The following TMEM132E variants were observed in gnomAD, a reference collection of about 807,000 sequenced individuals.
TMEM132E encodes the protein transmembrane protein 132E.
TMEM132E carries 49 observed loss-of-function variants against 78.5 expected under a neutral mutation model. That is an observed-to-expected ratio of 0.62 (90% CI 0.50 to 0.79). The LOEUF (loss-of-function observed/expected upper bound fraction) is 0.79. Ranked by LOEUF, TMEM132E falls within the 30% of genes least tolerant of loss-of-function variation. The pLI is 0.00. For missense variants in TMEM132E, 1,403 were observed against 1,470.9 expected (o/e 0.95, Z 0.75); for synonymous variants, 715 against 670.6 (o/e 1.07, Z -1.02).
Position 34,637,605 on chromosome 17 carries a change from C to A in TMEM132E, c.2598C>A (p.Pro866=), listed in dbSNP as rs1300457132. Reference sequence around the variant, plus strand: ...GCACCGCCAGCCCCGTCGTGCCACCCACAGAAGACTTCCTGCCGCTGCCCA... The same window carrying A: ...GCACCGCCAGCCCCGTCGTGCCACCAACAGAAGACTTCCTGCCGCTGCCCA... ...GPGTASPVVP[P]TEDFLPLPTG... The change falls in exon 9 of 9, where the codon CCC becomes CCA. Residue 866 remains proline, a synonymous_variant. Coordinates refer to ENST00000631683, the MANE Select transcript of TMEM132E (RefSeq NM_001304438.2). 6.2e-6 allele frequency: 10 copies of A among 1,602,812 alleles called. No individual in the cohort carries two copies. The highest frequency in any genetic ancestry group is 7.6e-6 in the Non-Finnish European group (9 of 1,177,858).
At chr17:34,636,323 C>A in intron 8 of TMEM132E, 125 bp downstream of exon 8, 2 of 998,992 alleles carry the variant, frequency 2.0e-6, no homozygotes, top group Non-Finnish European at 2.7e-6. Flanking sequence ...GATCTCTGCC[C>A]TCCATGCCCT....
chr17:34,610,220 C>A (rs930941328), intron 1 of TMEM132E, among the ~76,000 whole-genome samples: 1 of 152,178 alleles, frequency 6.6e-6, no homozygotes, highest in Non-Finnish European at 1.5e-5. Flanking sequence ...CCCTGTTAGC[C>A]GGCAAATTCC....
chr17:34,583,565 G>C (rs1905568159), intron 1 of TMEM132E, among the ~76,000 whole-genome samples: 1 of 152,192 alleles, frequency 6.6e-6, no homozygotes, highest in Admixed American at 6.5e-5. Flanking sequence ...CCTTTAAACT[G>C]ACTCTTGGTT....
chr17:34,627,466 T>TCGTGTGTGCGTGCGCGCGCGCGCG (rs1301258773), intron 2 of TMEM132E, among the ~76,000 whole-genome samples: 1 of 24,986 alleles, frequency 4.0e-5, no homozygotes, highest in African/African-American at 1.3e-4. Flanking sequence ...GCCAAAAGAA[T>TCGTGTGTGCGTGCGCGCGCGCGCG]CGTGTGTGTG....
chr17:34,619,709 C>T (rs140965347), intron 1 of TMEM132E, among the ~76,000 whole-genome samples: 5 of 150,900 alleles, frequency 3.3e-5, no homozygotes, highest in South Asian at 4.2e-4. Context: ...GCTTCATAAA[C>T]GTGGATACCA....
chr17:34,627,481 T>TGCGCGCACGCGCGC (rs1567720046), intron 2 of TMEM132E, among the ~76,000 whole-genome samples: 3 of 145,464 alleles, frequency 2.1e-5, no homozygotes, highest in African/African-American at 8.4e-5. Context: ...TGTGTGTGTG[T>TGCGCGCACGCGCGC]GTGTGTGTGT....
chr17:34,620,060 C>A (rs2035517955), intron 1 of TMEM132E, among the ~76,000 whole-genome samples: 2 of 152,234 alleles, frequency 1.3e-5, no homozygotes, highest in Non-Finnish European at 2.9e-5. Context: ...AAGCAGGAGG[C>A]ATCAGATCTT....
chr17:34,623,166 C>T (rs1243172396), intron 1 of TMEM132E, among the ~76,000 whole-genome samples: 1 of 152,114 alleles, frequency 6.6e-6, no homozygotes, highest in Non-Finnish European at 1.5e-5. Flanking sequence ...GGTCCTCCCC[C>T]AGGGGGGGTG....
At chr17:34,630,294 T>C in intron 5 of TMEM132E, 143 bp downstream of exon 5, 1 of 815,872 alleles carries the variant, frequency 1.2e-6, no homozygotes, top group Non-Finnish European at 1.9e-6. Flanking sequence ...ACCCCTTCTG[T>C]TGCAGCAGCT....
At chr17:34,629,920 G>T (rs961940518) in intron 4 of TMEM132E, 88 bp from the exon 5 acceptor site, 44 of 1,420,536 alleles carry the variant, frequency 3.1e-5, no homozygotes, top group Non-Finnish European at 3.8e-5. Flanking sequence ...GGAGTGGGGG[G>T]GGAGCGTCCA....
intron 1 of TMEM132E, among the ~76,000 whole-genome samples, chr17:34,607,251 C>G (rs1162008614): frequency 6.6e-6 from 1 of 152,186 alleles, no homozygotes; most frequent in Non-Finnish European, 1.5e-5. Context: ...ACCGGGGATA[C>G]AGAGATAGGG....
chr17:34,635,292 C>A (rs940707168), intron 7 of TMEM132E, among the ~76,000 whole-genome samples: 14 of 152,266 alleles, frequency 9.2e-5, no homozygotes, highest in Admixed American at 9.2e-4. Flanking sequence ...CTTTATCAAT[C>A]CTCAGTGTGG....
chr17:34,606,621 C>G (rs775534407), intron 1 of TMEM132E, among the ~76,000 whole-genome samples: 1 of 152,170 alleles, frequency 6.6e-6, no homozygotes, highest in South Asian at 2.1e-4. Context: ...AGTCCCTGGA[C>G]GAGGGCTGTT....
chr17:34,616,522 G>C (rs534654909), intron 1 of TMEM132E, among the ~76,000 whole-genome samples: 1 of 152,170 alleles, frequency 6.6e-6, no homozygotes, highest in South Asian at 2.1e-4. Context: ...TGCTCCTAGC[G>C]CAGCCCAGGC....
In TMEM132E at chr17:34,634,941, C is replaced by T. The variant is rs757359081; in HGVS notation, c.1831C>T (p.Gln611Ter). The change falls in exon 7 of 9, where the codon CAG (glutamine) becomes TAG (stop). Residue 611 changes from glutamine to a stop codon, truncating the protein, a stop_gained. Coordinates refer to ENST00000631683, the MANE Select transcript of TMEM132E (RefSeq NM_001304438.2). LOFTEE classifies it high-confidence loss of function. ...FHTTSSEGTD[Q>*]VVTMLGPDWL... The stretch of plus-strand genomic sequence containing the variant: ...CACGACATCATCCGAGGGCACTGAC[C>T]AGGTGGTCACCATGTTAGGCCCGGA... 1 of 1,614,212 alleles carries T rather than the reference C, an allele frequency of 6.2e-7. No individual in the cohort carries two copies. The highest frequency in any genetic ancestry group is 8.5e-7 in the Non-Finnish European group (1 of 1,180,050).
chr17:34,602,128 C>CA (rs566221546), intron 1 of TMEM132E, among the ~76,000 whole-genome samples: 2 of 152,124 alleles, frequency 1.3e-5, no homozygotes, highest in Non-Finnish European at 2.9e-5. Context: ...ATCTGGTACC[C>CA]AAAAAATGGG....
Position 34,579,628 on chromosome 17 carries a change from ACGGCGGCGG to A in TMEM132E, c.-1444_-1436del, listed in dbSNP as rs1406897820. 1.2e-5 allele frequency: 2 copies of A among 160,234 alleles called. No individual in the cohort carries two copies. The highest frequency in any genetic ancestry group is 2.4e-5 in the African/African-American group (1 of 41,480). 9.9% of individuals were successfully genotyped at this position (160,234 alleles called of 1,614,324 possible). A position where few individuals can be genotyped will look rare whatever the true frequency, so the allele number is the denominator to read the frequency against. On this transcript the variant is annotated 5_prime_UTR_variant, in exon 1 of 9. Coordinates refer to ENST00000631683, the MANE Select transcript of TMEM132E (RefSeq NM_001304438.2). ...CGGCGCGAGCGCCGAGGAGGCGGCGACGGCGGCGGCGGCTGCTTCGTGCAACTGTGGCTT... is the reference window on the plus strand; with the variant it reads ...CGGCGCGAGCGCCGAGGAGGCGGCGACGGCTGCTTCGTGCAACTGTGGCTT...
In TMEM132E at chr17:34,632,689, C is replaced by T. The variant is rs757921801; in HGVS notation, c.1483-15C>T. 4 of 1,614,010 alleles carry T rather than the reference C, an allele frequency of 2.5e-6. No homozygotes were observed. The highest frequency in any genetic ancestry group is 1.1e-5 in the South Asian group (1 of 91,058). On this transcript the variant is annotated splice_polypyrimidine_tract_variant and intron_variant, in intron 5 of 8. Coordinates refer to ENST00000631683, the MANE Select transcript of TMEM132E (RefSeq NM_001304438.2). ...CTGTAGGGAAGATGTGCCAACTGTT[C>T]CTCCCTTCCCCCAGGTATCCAGCAG...
rs1363685648 is a variant in TMEM132E, at chr17:34,628,712, G to T, written c.1145+3G>T. The T allele has an allele frequency of 6.3e-7, 1 of 1,587,596 alleles. No homozygotes were observed. Among genetic ancestry groups the T allele is most frequent in the African/African-American group, 1.4e-5 (1 of 73,992 alleles). On this transcript the variant is annotated splice_donor_region_variant and intron_variant, in intron 3 of 8. Transcript: ENST00000631683. ...CAGAGCACACCCCTGCCCCCCAGGT[G>T]AGCCCGAGGTGGTGCATCTACCCAC...
Sources: gnomAD v4.1 joint callset for allele counts (sites outside exome capture counted in the v4.1 genomes callset) on GRCh38, gnomAD v4.1.1 for gene constraint, MANE v1.5 for transcripts, NCBI Gene and HGNC (gene_info 2026-07-23, HGNC 2026-07-21) for gene names.